Variants in CPSF6 observed in about 807,000 individuals in gnomAD.
The protein encoded by CPSF6 is cleavage and polyadenylation specificity factor subunit 6.
In CPSF6, 10 loss-of-function variants were observed where a neutral mutation model predicts 56.7. The ratio of observed to expected loss-of-function variants is 0.18; its 90% CI spans 0.11 to 0.30. The LOEUF (loss-of-function observed/expected upper bound fraction) is 0.30, where lower values mean the gene tolerates loss of function less well. Ranked by LOEUF, CPSF6 falls within the 10% of genes least tolerant of loss-of-function variation. The pLI, the probability that CPSF6 is intolerant of heterozygous loss-of-function variation, is 1.00. For missense variants in CPSF6, 419 were observed against 722.9 expected (o/e 0.58, Z 4.82); for synonymous variants, 248 against 244.8 (o/e 1.01, Z -0.12).
At position 69,258,336 on chromosome 12, in the gene CPSF6, T is replaced by C. The variant is rs1456718369; in HGVS notation, c.695-254T>C. On this transcript the variant is annotated intron_variant, in intron 5 of 9. Transcript: ENST00000435070. The surrounding 1 kb of genome is among the most constrained non-coding windows in gnomAD (Gnocchi z 4.2). The stretch of plus-strand genomic sequence containing the variant: ...TGTGTACACGGAAAGATGGAAAATA[T>C]CTCTAGGCATTGTAATATTTTTTTA... 5.1e-6 allele frequency: 3 copies of C among 589,438 alleles called. No individual in the cohort carries two copies. Among genetic ancestry groups the C allele is most frequent in the South Asian group, 2.5e-5 (1 of 39,818 alleles). The allele number at this position is 589,438 out of a possible 1,614,324, so 36.5% of individuals were successfully genotyped here. A position where few individuals can be genotyped will look rare whatever the true frequency, so the allele number is the denominator to read the frequency against.
rs1324742272 is a variant in CPSF6 at position 69,242,239 on chromosome 12, G to T, written c.60+2533G>T. On this transcript the variant is annotated intron_variant, in intron 1 of 9. Coordinates refer to ENST00000435070, the MANE Select transcript of CPSF6 (RefSeq NM_007007.3). ...TCTTTGTTTTCCAGTGTAAACTGCA[G>T]TTCTCATTGGATTTGTATACTTTGA... Among the ~76,000 whole-genome samples, 21 of 151,920 alleles carry T rather than the reference G, an allele frequency of 1.4e-4. 1 individual carries two copies. Among genetic ancestry groups the T allele is most frequent in the Admixed American group, 1.3e-3 (20 of 15,244 alleles).
rs1491257320 is a variant in CPSF6, at chr12:69,249,152, C to CGGTGGGGGGGGGGGGGG, written c.61-1975_61-1974insTGGGGGGGGGGGGGGGG. ...GCGGGCGCCTGTAGTCCCAGCTACT[C>CGGTGGGGGGGGGGGGGG]GGGGGGGGGGGGGGGGGCTGAGGCA... On this transcript the variant is annotated intron_variant, in intron 1 of 9. Transcript: ENST00000435070. Among the ~76,000 whole-genome samples, 4 of 16,608 alleles carry CGGTGGGGGGGGGGGGGG rather than the reference C, an allele frequency of 2.4e-4. 2 individuals carry two copies. Among genetic ancestry groups the CGGTGGGGGGGGGGGGGG allele is most frequent in the African/African-American group, 7.2e-4 (2 of 2,784 alleles). 10.9% of individuals were successfully genotyped at this position (16,608 alleles called of 152,430 possible).
intron 8 of CPSF6, 25 bp downstream of exon 8, chr12:69,260,222 A>G (rs370534092): frequency 1.7e-4 from 255 of 1,506,028 alleles, no homozygotes; most frequent in Non-Finnish European, 2.1e-4. Flanking sequence ...TCTCATTTCC[A>G]TTTAAAAAAA....
rs1487092425 is a variant in CPSF6, at chr12:69,274,259, G to T, written c.*4751G>T. 1 of 151,880 alleles carries T rather than the reference G, an allele frequency of 6.6e-6. No homozygotes were observed. 9.4% of individuals were successfully genotyped at this position (151,880 alleles called of 1,614,324 possible). On this transcript the variant is annotated 3_prime_UTR_variant, in exon 10 of 10. Transcript: ENST00000435070. Reference sequence around the variant, plus strand: ...TCCTTTCTTTAGCATTTAGGTGACTGTTCGGCAGTTTGATATATGGCCATT... The same window carrying T: ...TCCTTTCTTTAGCATTTAGGTGACTTTTCGGCAGTTTGATATATGGCCATT...
At chr12:69,244,086 T>A (rs143249121) in intron 1 of CPSF6, among the ~76,000 whole-genome samples, 1 of 152,288 alleles carries the variant, frequency 6.6e-6, no homozygotes, top group Non-Finnish European at 1.5e-5. Flanking sequence ...CCTACCAGTG[T>A]TGGGATTACA....
chr12:69,249,152 CGGG>C (rs548477892), intron 1 of CPSF6, among the ~76,000 whole-genome samples: 944 of 16,622 alleles, frequency 0.057, 273 homozygotes, highest in Admixed American at 0.063. Context: ...CCCAGCTACT[CGGG>C]GGGGGGGGGG....
At chr12:69,266,897 T>C (rs1873015556) in intron 9 of CPSF6, among the ~76,000 whole-genome samples, 1 of 152,166 alleles carries the variant, frequency 6.6e-6, no homozygotes, top group South Asian at 2.1e-4. Flanking sequence ...GAAGAAAATA[T>C]GAAATGTTTT....
chr12:69,268,562 G>GA (rs996116736), intron 9 of CPSF6, among the ~76,000 whole-genome samples: 5 of 151,114 alleles, frequency 3.3e-5, no homozygotes, highest in African/African-American at 4.8e-5. Flanking sequence ...TGTTCAAACT[G>GA]AAAAAAAATT....
chr12:69,246,090 C>A (rs1361323610), intron 1 of CPSF6, among the ~76,000 whole-genome samples: 1 of 151,982 alleles, frequency 6.6e-6, no homozygotes, highest in Non-Finnish European at 1.5e-5. Flanking sequence ...TTGTCACACA[C>A]AAAAATAGAT....
At chr12:69,250,654 TG>T (rs1275685656) in intron 1 of CPSF6, among the ~76,000 whole-genome samples, 25 of 61,078 alleles carry the variant, frequency 4.1e-4, no homozygotes, top group African/African-American at 2.4e-3. Flanking sequence ...TTTGTTTTTT[TG>T]TTTTTTTTTG....
At chr12:69,248,215 G>T (rs1872017356) in intron 1 of CPSF6, among the ~76,000 whole-genome samples, 1 of 152,288 alleles carries the variant, frequency 6.6e-6, no homozygotes, top group East Asian at 1.9e-4. Flanking sequence ...CATTTTCACA[G>T]GTTTGTAGCT....
At chr12:69,248,930 C>T (rs1388889895) in intron 1 of CPSF6, among the ~76,000 whole-genome samples, 1 of 151,930 alleles carries the variant, frequency 6.6e-6, no homozygotes, top group African/African-American at 2.4e-5. Context: ...CCCTACTAGG[C>T]TTTTTTCTTT....
chr12:69,240,807 A>G (rs971790593), intron 1 of CPSF6, among the ~76,000 whole-genome samples: 1 of 151,420 alleles, frequency 6.6e-6, no homozygotes, highest in African/African-American at 2.4e-5. Flanking sequence ...GTTAATGGGC[A>G]TCCTTGCAAA....
At chr12:69,261,118 G>T (rs1872724584) in intron 8 of CPSF6, among the ~76,000 whole-genome samples, 1 of 152,052 alleles carries the variant, frequency 6.6e-6, no homozygotes, top group African/African-American at 2.4e-5. Context: ...GGTATTCTTA[G>T]ATATGTCTTT....
intron 1 of CPSF6, among the ~76,000 whole-genome samples, chr12:69,250,890 A>T (rs1055183474): frequency 4.6e-5 from 7 of 151,988 alleles, no homozygotes; most frequent in African/African-American, 1.7e-4. Context: ...CAAGTGATCC[A>T]CCTGCCTCGG....
In CPSF6 at chr12:69,251,262, G is replaced by C. The variant is rs1256642034; in HGVS notation, c.194G>C (p.Gly65Ala). The change falls in exon 2 of 10, where the codon GGT (glycine) becomes GCT (alanine). Residue 65 changes from glycine to alanine, a missense_variant. Physicochemically the swap from Gly to Ala is moderately conservative, Grantham distance 60 (BLOSUM62 0). Around this residue, in one of 4 missense-constraint regions of CPSF6, gnomAD observed 125 missense variants for 216.4 expected, o/e 0.58. Transcript: ENST00000435070. ...CCACCAACTGTTGGTGATGATGTGG[G>C]TAAAGGAGCAGCACCAAATGTTGTC... ...TLPPTVGDDVGKGAAPNVVYT... is the reference protein window; with the variant it reads ...TLPPTVGDDVAKGAAPNVVYT... 6.8e-6 allele frequency: 11 copies of C among 1,612,294 alleles called. No homozygotes were observed. Among genetic ancestry groups the C allele is most frequent in the Non-Finnish European group, 8.5e-6 (10 of 1,179,400 alleles).
At chr12:69,253,728 G>A (rs1020570602) in intron 3 of CPSF6, among the ~76,000 whole-genome samples, 19 of 152,032 alleles carry the variant, frequency 1.2e-4, no homozygotes, top group Non-Finnish European at 1.5e-5. Context: ...TGTTTTATAT[G>A]TTTGATATAA....
chr12:69,250,608 GAAA>G (rs61008772), intron 1 of CPSF6, among the ~76,000 whole-genome samples: 4 of 133,340 alleles, frequency 3.0e-5, no homozygotes, highest in Admixed American at 7.7e-5. Context: ...AAAAAAAAAA[GAAA>G]AAAAAGAAAA....
chr12:69,254,864 A>G (rs774547005), intron 3 of CPSF6: 6 of 152,196 alleles, frequency 3.9e-5, no homozygotes, highest in Non-Finnish European at 7.4e-5. Context: ...ATTGGTAATC[A>G]TTCTGATTAT....
Sources: gnomAD v4.1 joint callset for allele counts (sites outside exome capture counted in the v4.1 genomes callset) on GRCh38, gnomAD v4.1.1 for gene constraint, gnomAD v4.1.1 regional missense constraint, Gnocchi (gnomAD v3.1) non-coding constraint, MANE v1.5 for transcripts, NCBI Gene and HGNC (gene_info 2026-07-23, HGNC 2026-07-21) for gene names.